Variants in RPL13A observed in about 807,000 individuals in gnomAD.
The protein encoded by RPL13A is ribosomal protein L13a, also known as large ribosomal subunit protein uL13.
In RPL13A, 4 loss-of-function variants were observed where a neutral mutation model predicts 30.8. That is an observed-to-expected ratio of 0.13 (90% CI 0.06 to 0.30). The LOEUF is 0.30. RPL13A is among the 10% of genes least tolerant of loss of function. The pLI, the probability that RPL13A is intolerant of heterozygous loss-of-function variation, is 1.00. For synonymous variants in RPL13A, 108 were observed against 104.2 expected (o/e 1.04, Z -0.22); for missense variants, 196 against 272.6 (o/e 0.72, Z 1.98).
intron 1 of RPL13A, among the ~76,000 whole-genome samples, chr19:49,488,473 G>C (rs1169970494): frequency 6.6e-6 from 1 of 152,216 alleles, no homozygotes; most frequent in African/African-American, 2.4e-5. Flanking sequence ...GTGTCTTTGT[G>C]CCTAGCACAG....
intron 6 of RPL13A, 91 bp from the exon 7 acceptor site, chr19:49,491,334 C>G: frequency 7.6e-7 from 1 of 1,307,722 alleles, no homozygotes; most frequent in Non-Finnish European, 1.1e-6. Context: ...TCAGTCACCT[C>G]CCAGCTCTCA....
chr19:49,487,652 C>A lies in RPL13A; in HGVS notation c.15+8C>A. 2 of 1,549,910 alleles carry A rather than the reference C, an allele frequency of 1.3e-6. No individual in the cohort carries two copies. Among genetic ancestry groups the A allele is most frequent in the East Asian group, 2.4e-5 (1 of 41,066 alleles). On this transcript the variant is annotated splice_region_variant and intron_variant, in intron 1 of 7. Coordinates refer to ENST00000391857, the MANE Select transcript of RPL13A (RefSeq NM_012423.4). ...AAGATGGCGGAGGTGCAGGTATGGG[C>A]TCCGCGCGGGCCGGGGCGGCAAGGG...
chr19:49,490,098 T>C (rs2079850304), intron 2 of RPL13A, 134 bp from the exon 3 acceptor site: 2 of 1,048,882 alleles, frequency 1.9e-6, no homozygotes, highest in Non-Finnish European at 3.0e-6. Flanking sequence ...GAAGTAATTA[T>C]GTATTAGGCT....
At chr19:49,490,121 A>T (rs1173793155) in intron 2 of RPL13A, 111 bp from the exon 3 acceptor site, 7 of 1,105,226 alleles carry the variant, frequency 6.3e-6, no homozygotes, top group Non-Finnish European at 8.3e-6. Context: ...TTTTTCATTT[A>T]AACAGGAACT....
Position 49,492,242 on chromosome 19 carries a change from G to A in RPL13A, c.*427G>A, listed in dbSNP as rs1458914057. ...AGACTGGGAAGATGCACAACCAAGG[G>A]GTTACAGGCATCGCCCATGCTCCTC... On this transcript the variant is annotated 3_prime_UTR_variant, in exon 8 of 8. Coordinates refer to ENST00000391857, the MANE Select transcript of RPL13A (RefSeq NM_012423.4). The A allele has an allele frequency of 1.2e-5, 2 of 165,656 alleles. No homozygotes were observed. The highest frequency in any genetic ancestry group is 3.4e-4 in the East Asian group (2 of 5,864). 10.3% of individuals were successfully genotyped at this position (165,656 alleles called of 1,614,324 possible). A position where few individuals can be genotyped will look rare whatever the true frequency, so the allele number is the denominator to read the frequency against.
chr19:49,491,146 C>T, intron 6 of RPL13A, 47 bp downstream of exon 6: 1 of 1,601,640 alleles, frequency 6.2e-7, no homozygotes, highest in Non-Finnish European at 8.6e-7. Context: ...GATTTCAGGC[C>T]TGCTGAGGGA....
intron 1 of RPL13A, among the ~76,000 whole-genome samples, chr19:49,488,044 G>T (rs1008142511): frequency 2.0e-5 from 3 of 152,090 alleles, no homozygotes; most frequent in African/African-American, 4.8e-5. Context: ...ACTGAGTTTT[G>T]GCCAAAATGG....
chr19:49,488,825 CT>C (rs1435675805), intron 1 of RPL13A, among the ~76,000 whole-genome samples: 9 of 152,178 alleles, frequency 5.9e-5, no homozygotes, highest in African/African-American at 1.9e-4. Flanking sequence ...CCTGCCTCAG[CT>C]TCCCGAGTAC....
rs2079874911 is a variant in RPL13A, at chr19:49,491,851, T to A, written c.*36T>A. 6.6e-7 allele frequency: 1 copy of A among 1,513,996 alleles called. No homozygotes were observed. The highest frequency in any genetic ancestry group is 9.0e-7 in the Non-Finnish European group (1 of 1,107,348). 93.8% of individuals were successfully genotyped at this position (1,513,996 alleles called of 1,614,324 possible). A position where few individuals can be genotyped will look rare whatever the true frequency, so the allele number is the denominator to read the frequency against. ...GACTGTTAATTCCTCATGCGTTGCC[T>A]GCCCTTCCTCCATTGTTGCCCTGGA... On this transcript the variant is annotated 3_prime_UTR_variant, in exon 8 of 8. Coordinates refer to ENST00000391857, the MANE Select transcript of RPL13A (RefSeq NM_012423.4).
intron 1 of RPL13A, among the ~76,000 whole-genome samples, chr19:49,488,750 G>C (rs537048544): frequency 6.6e-6 from 1 of 152,260 alleles, no homozygotes; most frequent in African/African-American, 2.4e-5. Context: ...GTGACACCCA[G>C]GCTGGAGTGC....
intron 2 of RPL13A, 108 bp from the exon 3 acceptor site, chr19:49,490,124 C>G (rs1169320472): frequency 8.4e-7 from 1 of 1,191,908 alleles, no homozygotes; most frequent in East Asian, 2.3e-5. Flanking sequence ...TTCATTTAAA[C>G]AGGAACTTAG....
rs2079869003 is a variant in RPL13A, at chr19:49,491,410, C to CCT, written c.403-14_403-13insTC. 1.6e-6 allele frequency: 1 copy of CCT among 632,652 alleles called. No homozygotes were observed. Among genetic ancestry groups the CCT allele is most frequent in the Non-Finnish European group, 2.5e-6 (1 of 406,616 alleles). The allele number at this position is 632,652 out of a possible 1,614,324, so 39.2% of individuals were successfully genotyped here. A position where few individuals can be genotyped will look rare whatever the true frequency, so the allele number is the denominator to read the frequency against. ...TACAACTTCATTTGTTCACCCCCCC[C>CCT]CCCCCCCCCCGCAGTTTGCCTATCT... On this transcript the variant is annotated splice_polypyrimidine_tract_variant and intron_variant, in intron 6 of 7. Coordinates refer to ENST00000391857, the MANE Select transcript of RPL13A (RefSeq NM_012423.4).
chr19:49,488,070 C>T (rs1031365227), intron 1 of RPL13A, among the ~76,000 whole-genome samples: 3 of 152,112 alleles, frequency 2.0e-5, no homozygotes, highest in Non-Finnish European at 2.9e-5. Context: ...ATTTTTATCC[C>T]GCTCAGTGCG....
chr19:49,491,648 G>T, intron 7 of RPL13A, 81 bp from the exon 8 acceptor site: 2 of 1,573,472 alleles, frequency 1.3e-6, no homozygotes, highest in Non-Finnish European at 1.7e-6. Flanking sequence ...GGACCAGCCG[G>T]GGTTGGGGTG....
Position 49,492,101 on chromosome 19 carries a change from G to C in RPL13A, c.*286G>C, listed in dbSNP as rs1457831092. 1 of 385,334 alleles carries C rather than the reference G, an allele frequency of 2.6e-6. No homozygotes were observed. The highest frequency in any genetic ancestry group is 4.9e-6 in the Non-Finnish European group (1 of 205,956). The allele number at this position is 385,334 out of a possible 1,614,324, so 23.9% of individuals were successfully genotyped here. A position where few individuals can be genotyped will look rare whatever the true frequency, so the allele number is the denominator to read the frequency against. On this transcript the variant is annotated 3_prime_UTR_variant, in exon 8 of 8. Coordinates refer to ENST00000391857, the MANE Select transcript of RPL13A (RefSeq NM_012423.4). ...GATTGGAGGGCCCTATCTTGTGAGT[G>C]GGGCATCTGTTGGACTTTCCACCTG... is the stretch of plus-strand genomic sequence containing the variant.
At chr19:49,491,400 T>TCCCC (rs1555806959) in intron 6 of RPL13A, 25 bp from the exon 7 acceptor site, 39 of 977,618 alleles carry the variant, frequency 4.0e-5, no homozygotes, top group South Asian at 1.4e-4. Flanking sequence ...CTTCATTTGT[T>TCCCC]CACCCCCCCC....
At position 49,491,801 on chromosome 19, in the gene RPL13A, G is replaced by C. The variant is rs2079874442; in HGVS notation, c.598G>C (p.Gly200Arg). ...ATACACAGAGGTCCTCAAGACCCAC[G>C]GACTCCTGGTCTGAGCCCAATAAAG... is the stretch of plus-strand genomic sequence containing the variant. ...DKYTEVLKTH[G>R]LLV Residue 200 changes from glycine to arginine, a missense_variant, in exon 8 of 8, where the codon GGA (glycine) becomes CGA (arginine). Physicochemically the swap from Gly to Arg is moderately radical, Grantham distance 125 (BLOSUM62 -2). Coordinates refer to ENST00000391857, the MANE Select transcript of RPL13A (RefSeq NM_012423.4). The C allele has an allele frequency of 6.2e-7, 1 of 1,608,172 alleles. No individual in the cohort carries two copies. The highest frequency in any genetic ancestry group is 1.7e-5 in the Admixed American group (1 of 59,674).
At chr19:49,489,955 G>A in intron 2 of RPL13A, 33 bp downstream of exon 2, 4 of 1,544,170 alleles carry the variant, frequency 2.6e-6, no homozygotes, top group Non-Finnish European at 3.6e-6. Flanking sequence ...TCTGTCATGG[G>A]CCCCCGCTGG....
At chr19:49,487,769 T>C (rs2079820121) in intron 1 of RPL13A, 125 bp downstream of exon 1, 10 of 1,030,942 alleles carry the variant, frequency 9.7e-6, no homozygotes, top group Non-Finnish European at 1.4e-5. Context: ...AAAATGGAAG[T>C]CTTTTGGGAT....
Sources: gnomAD v4.1 joint callset for allele counts (sites outside exome capture counted in the v4.1 genomes callset) on GRCh38, gnomAD v4.1.1 for gene constraint, MANE v1.5 for transcripts, NCBI Gene and HGNC (gene_info 2026-07-23, HGNC 2026-07-21) for gene names.